CACNA1C: variants seen among roughly 807,000 people sequenced by gnomAD.
CACNA1C encodes voltage-dependent L-type calcium channel subunit alpha-1C.
CACNA1C carries 30 observed loss-of-function variants against 229.0 expected under a neutral mutation model. The ratio of observed to expected loss-of-function variants is 0.13; its 90% CI spans 0.10 to 0.18. CACNA1C has a LOEUF of 0.18. Among genes scored for constraint, CACNA1C ranks in the 10% least tolerant of loss-of-function variants. The pLI, the probability that CACNA1C is intolerant of heterozygous loss-of-function variation, is 1.00. For synonymous variants in CACNA1C, 1,114 were observed against 1,132.5 expected, an observed-to-expected ratio of 0.98 and a Z score of 0.33; for missense variants, 1,658 against 2,845.0, an observed-to-expected ratio of 0.58 and a Z score of 9.49.
chr12:2,579,100 C>T (rs777545817), intron 13 of CACNA1C, among the ~76,000 whole-genome samples: 5 of 152,124 alleles, frequency 3.3e-5, no homozygotes, highest in African/African-American at 4.8e-5. Flanking sequence ...TTCTTGCTGA[C>T]GGCACCTGGC....
intron 3 of CACNA1C, among the ~76,000 whole-genome samples, chr12:2,436,357 C>T (rs2099134766): frequency 6.6e-6 from 1 of 152,144 alleles, no homozygotes; most frequent in African/African-American, 2.4e-5. Context: ...AGATCTGAGG[C>T]TGTTGAAGGG....
chr12:2,239,446 C>T (rs548704930), intron 3 of CACNA1C, among the ~76,000 whole-genome samples: 66 of 152,216 alleles, frequency 4.3e-4, no homozygotes, highest in Non-Finnish European at 8.1e-4. Flanking sequence ...ACAGACCTCG[C>T]GGCCCTCTGC....
chr12:2,441,217 G>A (rs1314348771), intron 3 of CACNA1C, among the ~76,000 whole-genome samples: 4 of 152,202 alleles, frequency 2.6e-5, no homozygotes, highest in Non-Finnish European at 5.9e-5. Context: ...CACACAAGCT[G>A]TCTTGGTATG....
chr12:2,061,147 T>C (rs1246736913), intron 1 of CACNA1C, among the ~76,000 whole-genome samples: 1 of 151,458 alleles, frequency 6.6e-6, no homozygotes, highest in African/African-American at 2.4e-5. Context: ...TTTTTTTGTC[T>C]GTAAAGTGGA....
At chr12:2,529,852 G>T (rs2099836689) in intron 9 of CACNA1C, among the ~76,000 whole-genome samples, 1 of 152,234 alleles carries the variant, frequency 6.6e-6, no homozygotes, top group Non-Finnish European at 1.5e-5. Flanking sequence ...CAGCTAGCCA[G>T]CTAAGAATAG....
chr12:2,156,003 A>G (rs772475011), intron 3 of CACNA1C, among the ~76,000 whole-genome samples: 8 of 152,232 alleles, frequency 5.3e-5, no homozygotes, highest in Non-Finnish European at 8.8e-5. Flanking sequence ...AATAAAAAAA[A>G]TCTGCAGCTT....
At chr12:2,417,023 T>C (rs1165040151) in intron 3 of CACNA1C, among the ~76,000 whole-genome samples, 1 of 152,254 alleles carries the variant, frequency 6.6e-6, no homozygotes, top group Non-Finnish European at 1.5e-5. Flanking sequence ...TCTTGTTCCG[T>C]ACACACCTCT....
Position 2,678,025 on chromosome 12 carries a change from G to C in CACNA1C, c.5091+158G>C. The C allele has an allele frequency of 1.2e-6, 1 of 810,740 alleles. No individual in the cohort carries two copies. The highest frequency in any genetic ancestry group is 1.9e-6 in the Non-Finnish European group (1 of 525,746). 50.2% of individuals were successfully genotyped at this position (810,740 alleles called of 1,614,324 possible). A position where few individuals can be genotyped will look rare whatever the true frequency, so the allele number is the denominator to read the frequency against. ...TGATGAGCTGTCTCCTCACCCCTTT[G>C]CCTTTTCCAAGCCTGACTCCATCCC... On this transcript the variant is annotated intron_variant, in intron 41 of 46. Coordinates refer to ENST00000399655, the MANE Select transcript of CACNA1C (RefSeq NM_000719.7). The surrounding 1 kb of genome is among the most constrained non-coding windows in gnomAD (Gnocchi z 4.1).
intron 1 of CACNA1C, among the ~76,000 whole-genome samples, chr12:2,092,672 G>A (rs1206658045): frequency 1.3e-5 from 2 of 152,158 alleles, no homozygotes; most frequent in East Asian, 3.9e-4. Context: ...CAACTCAAGG[G>A]AGAATGTTGA....
At chr12:2,172,983 G>A (rs1322155305) in intron 3 of CACNA1C, among the ~76,000 whole-genome samples, 1 of 152,182 alleles carries the variant, frequency 6.6e-6, no homozygotes, top group Non-Finnish European at 1.5e-5. Flanking sequence ...GAATGGCAGG[G>A]ACGTTTGCAG....
chr12:2,036,667 T>C (rs181052444), intron 1 of CACNA1C, among the ~76,000 whole-genome samples: 221 of 152,296 alleles, frequency 1.5e-3, no homozygotes, highest in African/African-American at 5.1e-3. Context: ...GGTTTCACCA[T>C]GTTGGTCAGG....
At chr12:2,003,089 C>T (rs750682253) in intron 1 of CACNA1C, among the ~76,000 whole-genome samples, 2 of 152,164 alleles carry the variant, frequency 1.3e-5, no homozygotes, top group Non-Finnish European at 2.9e-5. Flanking sequence ...TTGCCCCATT[C>T]CGGCAAATTT....
chr12:2,531,658 C>A (rs1418584112), intron 9 of CACNA1C, among the ~76,000 whole-genome samples: 1 of 152,192 alleles, frequency 6.6e-6, no homozygotes, highest in Non-Finnish European at 1.5e-5. Flanking sequence ...GTGTCCACTG[C>A]ATAAGGACTC....
chr12:2,556,035 T>C (rs932694758), intron 10 of CACNA1C, among the ~76,000 whole-genome samples: 2 of 152,174 alleles, frequency 1.3e-5, no homozygotes, highest in African/African-American at 4.8e-5. Context: ...TGTCACCACC[T>C]GCACTATCCC....
Position 2,633,525 on chromosome 12 carries a change from A to T in CACNA1C, c.3829-772A>T, listed in dbSNP as rs750790776. The stretch of plus-strand genomic sequence containing the variant: ...TGAGGGCGTCCGGAACTCCAGAGGC[A>T]ACACGGAGGTGCCTGGACGATGATT... On this transcript the variant is annotated intron_variant, in intron 29 of 46. Coordinates refer to ENST00000399655, the MANE Select transcript of CACNA1C (RefSeq NM_000719.7). This position sits in a 1 kb window ranked among gnomAD's most constrained non-coding sequence, Gnocchi z 5.8. 6 of 764,772 alleles carry T rather than the reference A, an allele frequency of 7.8e-6. No individual in the cohort carries two copies. The highest frequency in any genetic ancestry group is 1.4e-5 in the Non-Finnish European group (6 of 428,178). The allele number at this position is 764,772 out of a possible 1,614,324, so 47.4% of individuals were successfully genotyped here. A position where few individuals can be genotyped will look rare whatever the true frequency, so the allele number is the denominator to read the frequency against.
At position 2,275,916 on chromosome 12, in the gene CACNA1C, C is replaced by T. The variant is rs2087725451; in HGVS notation, c.477+155486C>T. Among the ~76,000 whole-genome samples the T allele has an allele frequency of 6.6e-6, 1 of 152,150 alleles. No individual in the cohort carries two copies. Among genetic ancestry groups the T allele is most frequent in the South Asian group, 2.1e-4 (1 of 4,826 alleles). On this transcript the variant is annotated intron_variant, in intron 3 of 46. Transcript: ENST00000399655. This position sits in a 1 kb window ranked among gnomAD's most constrained non-coding sequence, Gnocchi z 4.1. Reference sequence around the variant, plus strand: ...AGTCATCAAGCCCAGTTACAGTCATCCCTTGGTGTCTGTGGGGAGACTGAT... The same window carrying T: ...AGTCATCAAGCCCAGTTACAGTCATTCCTTGGTGTCTGTGGGGAGACTGAT...
At chr12:2,194,378 C>G (rs1389588465) in intron 3 of CACNA1C, among the ~76,000 whole-genome samples, 1 of 151,082 alleles carries the variant, frequency 6.6e-6, no homozygotes, top group African/African-American at 2.4e-5. Flanking sequence ...TTCCCCTTCC[C>G]CTTCCTGCTC....
At chr12:2,208,782 C>T (rs1406648237) in intron 3 of CACNA1C, among the ~76,000 whole-genome samples, 2 of 152,270 alleles carry the variant, frequency 1.3e-5, no homozygotes, top group African/African-American at 4.8e-5. Context: ...TGTCCCAATC[C>T]AGGAAATGTA....
chr12:2,291,136 A>G (rs1206427010), intron 3 of CACNA1C, among the ~76,000 whole-genome samples: 2 of 152,214 alleles, frequency 1.3e-5, no homozygotes, highest in Admixed American at 6.5e-5. Context: ...GAAAGTAGGT[A>G]AAGCACCTAC....
Sources: gnomAD v4.1 joint callset for allele counts (sites outside exome capture counted in the v4.1 genomes callset) on GRCh38, gnomAD v4.1.1 for gene constraint, Gnocchi (gnomAD v3.1) non-coding constraint, MANE v1.5 for transcripts, NCBI Gene and HGNC (gene_info 2026-07-23, HGNC 2026-07-21) for gene names.